The following PHB2 variants were observed in gnomAD, a reference collection of about 807,000 sequenced individuals.
PHB2 encodes the protein prohibitin 2.
Under a neutral mutation model 46.4 loss-of-function variants are expected in PHB2, and 22 were observed. The ratio of observed to expected loss-of-function variants is 0.47; its 90% CI spans 0.34 to 0.68. The LOEUF is 0.68. Ranked by LOEUF, PHB2 falls within the 30% of genes least tolerant of loss-of-function variation. PHB2 has a pLI of 0.01. For missense variants in PHB2, 305 were observed against 382.8 expected (o/e 0.80, Z 1.70); for synonymous variants, 156 against 150.5 (o/e 1.04, Z -0.27).
Position 6,967,213 on chromosome 12 carries a change from G to A in PHB2, c.747C>T (p.Ile249=), listed in dbSNP as rs896254803. 3.7e-6 allele frequency: 6 copies of A among 1,609,226 alleles called. No individual in the cohort carries two copies. The highest frequency in any genetic ancestry group is 5.1e-6 in the Non-Finnish European group (6 of 1,177,662). ...GGGCTGCTCGAATCTTGCGAAGTTT[G>A]ATGTAGCCAGGGTTCTTGCTCAGTG... is the stretch of plus-strand genomic sequence containing the variant. The part of the protein sequence containing the change: ...GEALSKNPGY[I]KLRKIRAAQN... Residue 249 remains isoleucine, a synonymous_variant, in exon 7 of 10, where the codon ATC becomes ATT. Transcript: ENST00000535923. This position sits in a 1 kb window ranked among gnomAD's most constrained non-coding sequence, Gnocchi z 4.9.
At chr12:6,970,119 G>T (rs1946295119) in intron 2 of PHB2, 77 bp downstream of exon 2, 3 of 1,060,244 alleles carry the variant, frequency 2.8e-6, no homozygotes, top group Non-Finnish European at 4.4e-6. Flanking sequence ...GAATCCTGTT[G>T]CACGTCCGAC....
In PHB2 at chr12:6,968,428, T is replaced by C; in HGVS notation, c.460A>G (p.Ile154Val). 6.2e-7 allele frequency: 1 copy of C among 1,609,848 alleles called. No individual in the cohort carries two copies. Among genetic ancestry groups the C allele is most frequent in the Non-Finnish European group, 8.5e-7 (1 of 1,177,372 alleles). Residue 154 changes from isoleucine (I) to valine (V), a missense_variant, in exon 4 of 10, where the codon ATC becomes GTC. Ile to Val is a conservative substitution (Grantham distance 29, BLOSUM62 3). This residue lies in a region of PHB2 where 241 missense variants were observed against 302.7 expected (regional missense o/e 0.80). Coordinates refer to ENST00000535923, the MANE Select transcript of PHB2 (RefSeq NM_001144831.2). ...AGTCAGACCTGGGCCCGCTGGGTGA[T>C]CAGCTGTGAGGCATTGAACTTGGCC... ...VVAKFNASQL[I>V]TQRAQVSLLI... is the part of the protein sequence containing the mutation.
Position 6,968,610 on chromosome 12 carries a change from A to G in PHB2, c.293-15T>C. The G allele has an allele frequency of 6.2e-7, 1 of 1,610,818 alleles. No homozygotes were observed. Among genetic ancestry groups the G allele is most frequent in the East Asian group, 2.2e-5 (1 of 44,862 alleles). Reference sequence around the variant, plus strand: ...CATCTGTAGGTCTGAGATTGAGGTCAGCAGTGGCTGGTCAAGGCCAAACAC... The same window carrying G: ...CATCTGTAGGTCTGAGATTGAGGTCGGCAGTGGCTGGTCAAGGCCAAACAC... On this transcript the variant is annotated splice_polypyrimidine_tract_variant and intron_variant, in intron 3 of 9. Coordinates refer to ENST00000535923, the MANE Select transcript of PHB2 (RefSeq NM_001144831.2).
rs1373226136 is a variant in PHB2, at chr12:6,968,019, T to C, written c.480A>G (p.Val160=). 3 of 1,599,294 alleles carry C rather than the reference T, an allele frequency of 1.9e-6. No homozygotes were observed. The African/African-American group carries it at 4.0e-5, about 21-fold the overall frequency. The change falls in exon 5 of 10, where the codon GTA becomes GTG. Residue 160 remains valine (V), a splice_region_variant and synonymous_variant. Coordinates refer to ENST00000535923, the MANE Select transcript of PHB2 (RefSeq NM_001144831.2). ...ASQLITQRAQ[V]SLLIRRELTE... is the part of the protein sequence containing the mutation. ...TCAGCTCCCGGCGGATCAACAGGGA[T>C]ACCTGAGGGCAGGGGTGAAGAGGGG...
At position 6,967,468 on chromosome 12, in the gene PHB2, T is replaced by C. The variant is rs782228115; in HGVS notation, c.711+208A>G. ...AATGAAGGCAAGGCCACCAATGCTA[T>C]TGATCTGGCCTTACAGTGGGGAGTC... On this transcript the variant is annotated intron_variant, in intron 6 of 9. Transcript: ENST00000535923. This position sits in a 1 kb window ranked among gnomAD's most constrained non-coding sequence, Gnocchi z 4.9. 8.6e-6 allele frequency: 9 copies of C among 1,048,606 alleles called. No individual in the cohort carries two copies. The highest frequency in any genetic ancestry group is 3.1e-5 in the African/African-American group (2 of 64,302). The allele number at this position is 1,048,606 out of a possible 1,614,324, so 65.0% of individuals were successfully genotyped here. A position where few individuals can be genotyped will look rare whatever the true frequency, so the allele number is the denominator to read the frequency against.
chr12:6,965,558 A>C lies in PHB2; in HGVS notation c.*127T>G. The C allele has an allele frequency of 2.7e-6, 2 of 740,212 alleles. No homozygotes were observed. Among genetic ancestry groups the C allele is most frequent in the Non-Finnish European group, 4.8e-6 (2 of 413,036 alleles). 45.9% of individuals were successfully genotyped at this position (740,212 alleles called of 1,614,324 possible). A position where few individuals can be genotyped will look rare whatever the true frequency, so the allele number is the denominator to read the frequency against. On this transcript the variant is annotated 3_prime_UTR_variant, in exon 10 of 10. Transcript: ENST00000535923. The stretch of plus-strand genomic sequence containing the variant: ...TCCTTAATCCAAGAGGGGTTCAGGG[A>C]ACCGGTGTGGGGGACCATCGCATGA...
intron 9 of PHB2, 85 bp from the exon 10 acceptor site, chr12:6,965,797 C>T: frequency 6.5e-7 from 1 of 1,546,226 alleles, no homozygotes. Flanking sequence ...CCCTCTACGA[C>T]CCTCCTACCC....
chr12:6,970,483 T>C lies in PHB2; in HGVS notation c.61A>G (p.Thr21Ala), dbSNP rs886936297. The C allele has an allele frequency of 1.5e-5, 24 of 1,605,286 alleles. No homozygotes were observed. Among genetic ancestry groups the C allele is most frequent in the Non-Finnish European group, 2.0e-5 (24 of 1,178,804 alleles). Reference sequence around the variant, plus strand: ...GCCCCCAGCAACAGCTTCAGGGCCGTGCCCATGCCCCGGGGCCCGGCGGGC... The same window carrying C: ...GCCCCCAGCAACAGCTTCAGGGCCGCGCCCATGCCCCGGGGCCCGGCGGGC... ...RLPAGPRGMG[T>A]ALKLLLGAGA... The change falls in exon 1 of 10, where the codon ACG (threonine) becomes GCG (alanine). Residue 21 changes from threonine (T) to alanine (A), a missense_variant. Physicochemically the swap from Thr to Ala is moderately conservative, Grantham distance 58. Transcript: ENST00000535923.
In PHB2 at chr12:6,965,725, AAAG is replaced by A; in HGVS notation, c.873-16_873-14del. On this transcript the variant is annotated splice_polypyrimidine_tract_variant and intron_variant, in intron 9 of 9. Coordinates refer to ENST00000535923, the MANE Select transcript of PHB2 (RefSeq NM_001144831.2). ...GATGAGGCTGTCACTGTAGGAAAAAAAAGATAGATAATGACATTATTAGGGGAC... is the reference window on the plus strand; with the variant it reads ...GATGAGGCTGTCACTGTAGGAAAAAAATAGATAATGACATTATTAGGGGAC... 1 of 1,610,006 alleles carries A rather than the reference AAAG, an allele frequency of 6.2e-7. No individual in the cohort carries two copies. The highest frequency in any genetic ancestry group is 8.5e-7 in the Non-Finnish European group (1 of 1,176,854).
At position 6,967,823 on chromosome 12, in the gene PHB2, GC is replaced by G. The variant is rs1946241550; in HGVS notation, c.608-45del. On this transcript the variant is annotated intron_variant, in intron 5 of 9. Transcript: ENST00000535923. The surrounding 1 kb of genome is among the most constrained non-coding windows in gnomAD (Gnocchi z 4.9). Reference sequence around the variant, plus strand: ...AGGGAGACCCTGTCCTGGGTCAGGAGCCCCACCCATGGAGTCTTTCCTCCTC... The same window carrying G: ...AGGGAGACCCTGTCCTGGGTCAGGAGCCCACCCATGGAGTCTTTCCTCCTC... 2 of 1,608,316 alleles carry G rather than the reference GC, an allele frequency of 1.2e-6. No homozygotes were observed. The highest frequency in any genetic ancestry group is 2.2e-5 in the South Asian group (2 of 90,840).
intron 4 of PHB2, 118 bp from the exon 5 acceptor site, chr12:6,968,139 C>T: frequency 1.1e-6 from 1 of 952,170 alleles, no homozygotes; most frequent in Non-Finnish European, 1.5e-6. Flanking sequence ...CCTTAGCTTC[C>T]TGTCAGGCAA....
At chr12:6,970,049 T>C in intron 2 of PHB2, 147 bp downstream of exon 2, 1 of 724,600 alleles carries the variant, frequency 1.4e-6, no homozygotes, top group Non-Finnish European at 2.5e-6. Context: ...CTGCTGGAGG[T>C]TCTCGCAGCA....
rs781868597 is a variant in PHB2 at position 6,967,450 on chromosome 12, G to A, written c.712-202C>T. On this transcript the variant is annotated intron_variant, in intron 6 of 9. Transcript: ENST00000535923. The surrounding 1 kb of genome is among the most constrained non-coding windows in gnomAD (Gnocchi z 4.9). The stretch of plus-strand genomic sequence containing the variant: ...ACTAGGGGCAGCACCAGAAATGAAG[G>A]CAAGGCCACCAATGCTATTGATCTG... The A allele has an allele frequency of 8.5e-7, 1 of 1,181,046 alleles. No individual in the cohort carries two copies. The highest frequency in any genetic ancestry group is 1.7e-5 in the Admixed American group (1 of 59,532). The allele number at this position is 1,181,046 out of a possible 1,614,324, so 73.2% of individuals were successfully genotyped here.
chr12:6,965,637 G>C lies in PHB2; in HGVS notation c.*48C>G. On this transcript the variant is annotated 3_prime_UTR_variant, in exon 10 of 10. Transcript: ENST00000535923. ...CCCCTGGCTGGCTCCTCAAAAACTG[G>C]AGAAGCAGATCCACTTCCTCTGGGG... 1 of 1,566,522 alleles carries C rather than the reference G, an allele frequency of 6.4e-7. No individual in the cohort carries two copies. Among genetic ancestry groups the C allele is most frequent in the Non-Finnish European group, 8.8e-7 (1 of 1,141,034 alleles).
rs782209816 is a variant in PHB2 at position 6,965,843 on chromosome 12, G to T, written c.872+68C>A. The T allele has an allele frequency of 4.4e-6, 7 of 1,588,014 alleles. No homozygotes were observed. In the East Asian group the frequency reaches 6.7e-5, roughly 15 times the overall value. On this transcript the variant is annotated intron_variant, in intron 9 of 9. Coordinates refer to ENST00000535923, the MANE Select transcript of PHB2 (RefSeq NM_001144831.2). ...TTTGTCTTCGGGGAGGTGGGAAAGG[G>T]GGTAGGGTAGGAGGCGGGTACTGGA...
chr12:6,966,595 A>C, intron 7 of PHB2, 95 bp from the exon 8 acceptor site: 3 of 803,172 alleles, frequency 3.7e-6, no homozygotes, highest in South Asian at 1.4e-5. Context: ...GAACACATGC[A>C]GATTAGGGCA....
chr12:6,970,283 G>A lies in PHB2; in HGVS notation c.128-3C>T. The A allele has an allele frequency of 6.2e-7, 1 of 1,612,988 alleles. No homozygotes were observed. Among genetic ancestry groups the A allele is most frequent in the Non-Finnish European group, 8.5e-7 (1 of 1,179,460 alleles). On this transcript the variant is annotated splice_region_variant and splice_polypyrimidine_tract_variant and intron_variant, in intron 1 of 9. Transcript: ENST00000535923. ...GATGGCTCTGTGCCCGCCTTCCACT[G>A]TGGGGAGATGGGTGGTGATCAGGCC...
In PHB2 at chr12:6,967,280, G is replaced by C. The variant is rs1555150932; in HGVS notation, c.712-32C>G. 2 of 1,612,974 alleles carry C rather than the reference G, an allele frequency of 1.2e-6. No homozygotes were observed. Among genetic ancestry groups the C allele is most frequent in the Admixed American group, 3.3e-5 (2 of 59,994 alleles). On this transcript the variant is annotated intron_variant, in intron 6 of 9. Transcript: ENST00000535923. The surrounding 1 kb of genome is among the most constrained non-coding windows in gnomAD (Gnocchi z 4.9). ...AGGGTTAAGGTACACGCAAGGGCAG[G>C]TCTCAATCCCTGGCCCTGTCCTTAC... is the stretch of plus-strand genomic sequence containing the variant.
intron 2 of PHB2, 61 bp downstream of exon 2, chr12:6,970,135 C>A (rs1045406381): frequency 8.3e-7 from 1 of 1,206,688 alleles, no homozygotes; most frequent in East Asian, 2.3e-5. Context: ...CCGACTATAG[C>A]CACTGCTGGG....
Sources: allele counts gnomAD v4.1 joint callset, GRCh38; gene constraint gnomAD v4.1.1; regional missense constraint gnomAD v4.1.1; non-coding constraint Gnocchi (gnomAD v3.1); transcripts MANE v1.5; gene names NCBI Gene and HGNC (gene_info 2026-07-23, HGNC 2026-07-21).